Variants in PTPRC observed in about 807,000 individuals in gnomAD.
The protein encoded by PTPRC is protein tyrosine phosphatase receptor type C, also known as receptor-type tyrosine-protein phosphatase C.
In PTPRC, 44 loss-of-function variants were observed where a neutral mutation model predicts 155.9. That is an observed-to-expected ratio of 0.28 (90% CI 0.22 to 0.36). The LOEUF is 0.36. Ranked by LOEUF, PTPRC falls within the 10% of genes least tolerant of loss-of-function variation. PTPRC has a pLI of 1.00. For synonymous variants in PTPRC, 525 were observed against 533.1 expected (o/e 0.98, Z 0.21); for missense variants, 1,401 against 1,564.6 (o/e 0.90, Z 1.76).
chr1:198,715,798 G>A (rs1558017803), intron 12 of PTPRC, among the ~76,000 whole-genome samples: 1 of 152,102 alleles, frequency 6.6e-6, no homozygotes, highest in Non-Finnish European at 1.5e-5. Context: ...CACATACAGT[G>A]AGTTATTATT....
chr1:198,688,392 C>A (rs529086164), intron 2 of PTPRC, among the ~76,000 whole-genome samples: 1 of 151,928 alleles, frequency 6.6e-6, no homozygotes, highest in Non-Finnish European at 1.5e-5. Context: ...GAATATGGAG[C>A]GATGATGAGA....
chr1:198,748,088 T>G (rs1655217248), intron 26 of PTPRC, 21 bp from the exon 27 acceptor site: 1 of 1,516,764 alleles, frequency 6.6e-7, no homozygotes, highest in Non-Finnish European at 8.9e-7. Flanking sequence ...GGAGTTTTTC[T>G]GTTTTTTTTT....
chr1:198,735,735 A>T (rs1266379637), intron 23 of PTPRC, among the ~76,000 whole-genome samples: 2 of 151,602 alleles, frequency 1.3e-5, no homozygotes, highest in Non-Finnish European at 3.0e-5. Flanking sequence ...CTTAGATAAT[A>T]GTTAAAATAG....
At position 198,704,543 on chromosome 1, in the gene PTPRC, CACTTTAATT is replaced by C. The variant is rs1476730843; in HGVS notation, c.685+48_685+56del. 5.6e-6 allele frequency: 9 copies of C among 1,613,766 alleles called. No individual in the cohort carries two copies. The South Asian group carries it at 7.7e-5, about 14-fold the overall frequency. On this transcript the variant is annotated intron_variant, in intron 8 of 32. Coordinates refer to ENST00000442510, the MANE Select transcript of PTPRC (RefSeq NM_002838.5). ...ATCAGCATACCTCACTTTGGAATAG[CACTTTAATT>C]ACATCTTTCTTTATTCCAAGCTTTC... is the stretch of plus-strand genomic sequence containing the variant.
chr1:198,748,092 T>TG lies in PTPRC; in HGVS notation c.2848-17_2848-16insG. On this transcript the variant is annotated splice_polypyrimidine_tract_variant and intron_variant, in intron 26 of 32. Coordinates refer to ENST00000442510, the MANE Select transcript of PTPRC (RefSeq NM_002838.5). Reference sequence around the variant, plus strand: ...TACATTTTAAAGGAGTTTTTCTGTTTTTTTTTTTTTTTTCAGAGACTTCCT... The same window carrying TG: ...TACATTTTAAAGGAGTTTTTCTGTTTGTTTTTTTTTTTTTCAGAGACTTCCT... 2 of 1,297,698 alleles carry TG rather than the reference T, an allele frequency of 1.5e-6. No individual in the cohort carries two copies. Among genetic ancestry groups the TG allele is most frequent in the Non-Finnish European group, 2.0e-6 (2 of 981,404 alleles). The allele number at this position is 1,297,698 out of a possible 1,614,324, so 80.4% of individuals were successfully genotyped here.
chr1:198,757,443 T>C lies in PTPRC; in HGVS notation c.*1262T>C, dbSNP rs1209168128. ...AAAAAAAAATCAAGAATAGTGGTAT[T>C]TTTCATGAAGTAATAAAAACTCGTT... On this transcript the variant is annotated 3_prime_UTR_variant, in exon 33 of 33. Coordinates refer to ENST00000442510, the MANE Select transcript of PTPRC (RefSeq NM_002838.5). 6.6e-6 allele frequency: 1 copy of C among 151,852 alleles called. No homozygotes were observed. The highest frequency in any genetic ancestry group is 1.9e-4 in the East Asian group (1 of 5,170). The allele number at this position is 151,852 out of a possible 1,614,324, so 9.4% of individuals were successfully genotyped here.
At chr1:198,742,843 G>A (rs3198027) in intron 25 of PTPRC, among the ~76,000 whole-genome samples, 25,261 of 151,530 alleles carry the variant, frequency 0.17, 2,396 homozygotes, top group East Asian at 0.26. Context: ...GTAAAATGGA[G>A]ACAATGATAA....
intron 23 of PTPRC, among the ~76,000 whole-genome samples, chr1:198,739,904 T>C (rs1040916862): frequency 1.3e-5 from 2 of 151,646 alleles, no homozygotes; most frequent in Non-Finnish European, 2.9e-5. Context: ...TAGAAATCAA[T>C]AACAAGAATA....
intron 8 of PTPRC, 118 bp from the exon 9 acceptor site, chr1:198,706,616 T>C (rs1652983694): frequency 8.7e-7 from 1 of 1,153,436 alleles, no homozygotes; most frequent in South Asian, 1.5e-5. Context: ...CTAATGTGTT[T>C]TTTCTTTTTC....
intron 2 of PTPRC, among the ~76,000 whole-genome samples, chr1:198,652,964 A>T (rs1228188518): frequency 6.6e-6 from 1 of 151,882 alleles, no homozygotes; most frequent in African/African-American, 2.4e-5. Flanking sequence ...AACGAGTCAG[A>T]TACAATATAA....
chr1:198,751,256 C>T (rs959542700), intron 29 of PTPRC, among the ~76,000 whole-genome samples: 1 of 151,978 alleles, frequency 6.6e-6, no homozygotes, highest in Admixed American at 6.6e-5. Flanking sequence ...GAAGGTGAAT[C>T]TAAGCTATAA....
At chr1:198,739,286 G>A (rs1264675120) in intron 23 of PTPRC, among the ~76,000 whole-genome samples, 8 of 94,108 alleles carry the variant, frequency 8.5e-5, no homozygotes, top group African/African-American at 3.4e-4. Flanking sequence ...TAGAGTGGCT[G>A]AATAGATATT....
intron 2 of PTPRC, among the ~76,000 whole-genome samples, chr1:198,650,412 C>A (rs1206525428): frequency 6.6e-6 from 1 of 151,612 alleles, no homozygotes; most frequent in African/African-American, 2.4e-5. Context: ...TGATCTGGAC[C>A]AAGTGTTGGC....
chr1:198,643,551 T>C (rs2102181918), intron 2 of PTPRC, among the ~76,000 whole-genome samples: 1 of 152,044 alleles, frequency 6.6e-6, no homozygotes, highest in East Asian at 1.9e-4. Flanking sequence ...TTTGTTTGTT[T>C]GTTTGTTTTT....
At chr1:198,708,299 G>C in intron 10 of PTPRC, 38 bp downstream of exon 10, 1 of 1,569,782 alleles carries the variant, frequency 6.4e-7, no homozygotes, top group Non-Finnish European at 8.7e-7. Flanking sequence ...TTTTTTTTGT[G>C]GCACAATGTT....
chr1:198,642,912 C>CT (rs1447412420), intron 2 of PTPRC, among the ~76,000 whole-genome samples: 3 of 133,662 alleles, frequency 2.2e-5, no homozygotes, highest in African/African-American at 8.5e-5. Flanking sequence ...TTCTTCCTTT[C>CT]TTTCTTTCTT....
chr1:198,741,541 T>A (rs1199330707), intron 23 of PTPRC, among the ~76,000 whole-genome samples: 1 of 151,598 alleles, frequency 6.6e-6, no homozygotes, highest in East Asian at 2.0e-4. Flanking sequence ...TTATTTTGGG[T>A]TTTTTTTGCT....
At chr1:198,698,465 T>C (rs1395041831) in intron 4 of PTPRC, among the ~76,000 whole-genome samples, 1 of 152,186 alleles carries the variant, frequency 6.6e-6, no homozygotes, top group Non-Finnish European at 1.5e-5. Context: ...GATTGATTTA[T>C]ACTGCTGAAT....
At chr1:198,713,486 T>C (rs1653414549) in intron 12 of PTPRC, among the ~76,000 whole-genome samples, 1 of 152,050 alleles carries the variant, frequency 6.6e-6, no homozygotes, top group Admixed American at 6.5e-5. Flanking sequence ...GACAAAATGT[T>C]GGGTGAATAA....
Sources: allele counts gnomAD v4.1 joint callset (sites outside exome capture counted in the v4.1 genomes callset), GRCh38; gene constraint gnomAD v4.1.1; transcripts MANE v1.5; gene names NCBI Gene and HGNC (gene_info 2026-07-23, HGNC 2026-07-21).